Variants in CENPW observed in about 807,000 individuals in gnomAD.
CENPW encodes the protein centromere protein W.
A neutral mutation model predicts 11.1 loss-of-function variants in CENPW; 3 were observed. The observed-to-expected ratio is 0.27, with a 90% CI of 0.12 to 0.70. The LOEUF is 0.70. Among genes scored for constraint, CENPW ranks in the 30% least tolerant of loss-of-function variants. The pLI is 0.77. For synonymous variants in CENPW, 38 were observed against 42.0 expected (o/e 0.91, Z 0.37); for missense variants, 100 against 105.6 (o/e 0.95, Z 0.23).
chr6:126,440,397 A>G, the CENPW span, among the ~76,000 whole-genome samples: 1 of 151,666 alleles, frequency 6.6e-6, no homozygotes, highest in South Asian at 2.1e-4. Flanking sequence ...AAGTGCCACT[A>G]GGAGTTATTA....
chr6:126,409,091 A>G, the CENPW span, among the ~76,000 whole-genome samples: 1 of 152,096 alleles, frequency 6.6e-6, no homozygotes, highest in South Asian at 2.1e-4. Flanking sequence ...ACTTATTGCT[A>G]TAAACTTCAA....
chr6:126,421,258 T>G, the CENPW span, among the ~76,000 whole-genome samples: 9 of 152,136 alleles, frequency 5.9e-5, no homozygotes, highest in Admixed American at 5.2e-4. Flanking sequence ...GTATATAGCC[T>G]GCAGTCTTCC....
chr6:126,354,968 C>G, the CENPW span, among the ~76,000 whole-genome samples: 4 of 152,012 alleles, frequency 2.6e-5, no homozygotes, highest in Non-Finnish European at 5.9e-5. Flanking sequence ...TATTTCCAAA[C>G]TACCTAGAAA....
At chr6:126,366,809 C>T in the CENPW span, among the ~76,000 whole-genome samples, 1 of 152,132 alleles carries the variant, frequency 6.6e-6, no homozygotes, top group East Asian at 1.9e-4. Context: ...TATTACAGTT[C>T]TGGAGGCTGG....
At chr6:126,378,084 T>A in the CENPW span, among the ~76,000 whole-genome samples, 2 of 152,224 alleles carry the variant, frequency 1.3e-5, no homozygotes, top group African/African-American at 4.8e-5. Flanking sequence ...CCTCAGGGTC[T>A]GAGTACTACA....
chr6:126,394,949 G>A, the CENPW span, among the ~76,000 whole-genome samples: 2 of 151,794 alleles, frequency 1.3e-5, no homozygotes, highest in South Asian at 2.1e-4. Flanking sequence ...TCCATTGTAT[G>A]TTATTTGCTT....
the CENPW span, among the ~76,000 whole-genome samples, chr6:126,427,417 G>A: frequency 1.4e-4 from 22 of 152,212 alleles, no homozygotes; most frequent in African/African-American, 4.8e-4. Flanking sequence ...TTTGAGCACC[G>A]TGTGAATTTT....
At chr6:126,371,918 G>C in the CENPW span, among the ~76,000 whole-genome samples, 2 of 151,682 alleles carry the variant, frequency 1.3e-5, no homozygotes, top group African/African-American at 4.8e-5. Context: ...TTTTCCTGTG[G>C]TATCGGTTGT....
the CENPW span, among the ~76,000 whole-genome samples, chr6:126,360,076 A>T: frequency 3.9e-5 from 6 of 152,126 alleles, no homozygotes; most frequent in African/African-American, 1.4e-4. Flanking sequence ...TTTCAGTTCC[A>T]TATTTAGCAC....
chr6:126,466,198 A>G, the CENPW span, among the ~76,000 whole-genome samples: 2 of 152,194 alleles, frequency 1.3e-5, no homozygotes, highest in African/African-American at 4.8e-5. Flanking sequence ...GATCAAGGGA[A>G]TTCCAAAATG....
chr6:126,481,015 G>A, the CENPW span, among the ~76,000 whole-genome samples: 1 of 151,924 alleles, frequency 6.6e-6, no homozygotes, highest in South Asian at 2.1e-4. Context: ...TGGGCAAATG[G>A]AATCAGCTTC....
chr6:126,357,097 C>A, the CENPW span, among the ~76,000 whole-genome samples: 1 of 152,118 alleles, frequency 6.6e-6, no homozygotes, highest in African/African-American at 2.4e-5. Context: ...GTCTTTAGTC[C>A]ATTTTGCTTA....
the CENPW span, among the ~76,000 whole-genome samples, chr6:126,397,240 G>C: frequency 1.6e-4 from 24 of 152,118 alleles, no homozygotes; most frequent in African/African-American, 5.6e-4. Flanking sequence ...CCCTAGGATG[G>C]ACAATTCTCC....
the CENPW span, among the ~76,000 whole-genome samples, chr6:126,464,327 T>C: frequency 6.6e-6 from 1 of 152,096 alleles, no homozygotes; most frequent in Non-Finnish European, 1.5e-5. Flanking sequence ...TTTATCAATC[T>C]GATAGAGGGT....
the CENPW span, among the ~76,000 whole-genome samples, chr6:126,447,208 A>T: frequency 1.3e-5 from 2 of 151,160 alleles, no homozygotes; most frequent in African/African-American, 4.8e-5. Context: ...ATGCCCAGGA[A>T]TCTGCATTTT....
chr6:126,367,660 A>G, the CENPW span, among the ~76,000 whole-genome samples: 1 of 152,174 alleles, frequency 6.6e-6, no homozygotes, highest in Non-Finnish European at 1.5e-5. Context: ...ATTTAGAATC[A>G]TTGTAGGGAC....
the CENPW span, among the ~76,000 whole-genome samples, chr6:126,371,859 G>A: frequency 2.0e-5 from 3 of 152,018 alleles, no homozygotes; most frequent in Admixed American, 2.0e-4. Flanking sequence ...TTCTAGTTAT[G>A]TGCGTAAAGA....
chr6:126,382,823 AAG>A, the CENPW span, among the ~76,000 whole-genome samples: 9 of 152,316 alleles, frequency 5.9e-5, no homozygotes, highest in African/African-American at 2.2e-4. Context: ...GTGCCTCTGA[AAG>A]AGATGAAGAG....
chr6:126,460,607 T>C, the CENPW span, among the ~76,000 whole-genome samples: 1 of 151,798 alleles, frequency 6.6e-6, no homozygotes, highest in Non-Finnish European at 1.5e-5. Context: ...TTTTTCTACT[T>C]ACTAGTGTTA....
Sources: gnomAD v4.1 joint callset for allele counts (sites outside exome capture counted in the v4.1 genomes callset) on GRCh38, gnomAD v4.1.1 for gene constraint, MANE v1.5 for transcripts, NCBI Gene and HGNC (gene_info 2026-07-23, HGNC 2026-07-21) for gene names.